Variants in PRTG observed in about 807,000 individuals in gnomAD.
The protein encoded by PRTG is protogenin, also known as immunoglobulin superfamily, DCC subclass, member 5.
In PRTG, 67 loss-of-function variants were observed where a neutral mutation model predicts 122.5. The ratio of observed to expected loss-of-function variants is 0.55; its 90% CI spans 0.45 to 0.67. PRTG has a LOEUF of 0.67. Among genes scored for constraint, PRTG ranks in the 30% least tolerant of loss-of-function variants. The pLI is 0.00. For missense variants in PRTG, 1,435 were observed against 1,415.4 expected (o/e 1.01, Z -0.22); for synonymous variants, 554 against 501.1 (o/e 1.11, Z -1.41).
Position 55,678,382 on chromosome 15 carries a change from C to G in PRTG, c.1134-338G>C, listed in dbSNP as rs147412268. 6.6e-5 allele frequency among the ~76,000 whole-genome samples: 10 copies of G among 152,158 alleles called. No individual in the cohort carries two copies. In the East Asian group the frequency reaches 1.7e-3, roughly 26 times the overall value. On this transcript the variant is annotated intron_variant, in intron 7 of 19. Coordinates refer to ENST00000389286, the MANE Select transcript of PRTG (RefSeq NM_173814.6). ...CTCTTGCCTCATCCTCCTGAGTAGCCGGGACTCCAGGCATGTGTAGTTTTT... is the reference window on the plus strand; with the variant it reads ...CTCTTGCCTCATCCTCCTGAGTAGCGGGGACTCCAGGCATGTGTAGTTTTT...
chr15:55,724,042 T>C (rs751001932), intron 2 of PRTG, among the ~76,000 whole-genome samples: 1 of 152,176 alleles, frequency 6.6e-6, no homozygotes, highest in Middle Eastern at 3.2e-3. Context: ...TGAGCCACCA[T>C]GCCTGGCTGA....
chr15:55,625,131 A>AT (rs994462788), intron 17 of PRTG, among the ~76,000 whole-genome samples: 50 of 151,836 alleles, frequency 3.3e-4, no homozygotes, highest in African/African-American at 9.4e-4. Flanking sequence ...TTTGACGTTG[A>AT]TTTTTTTTTA....
intron 18 of PRTG, among the ~76,000 whole-genome samples, chr15:55,621,274 C>G (rs138009442): frequency 0.033 from 5,014 of 152,238 alleles, 123 homozygotes; most frequent in Non-Finnish European, 0.054. Context: ...CTGCTTGAAC[C>G]CAGGAGGGAG....
At chr15:55,682,119 T>C (rs915812511) in intron 4 of PRTG, among the ~76,000 whole-genome samples, 1 of 152,180 alleles carries the variant, frequency 6.6e-6, no homozygotes, top group African/African-American at 2.4e-5. Context: ...TTGAATAGAA[T>C]ACCAAAGACT....
intron 2 of PRTG, among the ~76,000 whole-genome samples, chr15:55,732,832 G>C (rs1418829180): frequency 1.3e-5 from 2 of 152,142 alleles, no homozygotes; most frequent in Non-Finnish European, 2.9e-5. Flanking sequence ...TATTATGTGT[G>C]TGAAAAAGGG....
At chr15:55,683,088 A>C (rs144695356) in intron 3 of PRTG, among the ~76,000 whole-genome samples, 1 of 152,152 alleles carries the variant, frequency 6.6e-6, no homozygotes, top group Non-Finnish European at 1.5e-5. Flanking sequence ...GCATAGATTT[A>C]GTTAACTGGT....
chr15:55,700,344 G>A (rs2059655006), intron 2 of PRTG, among the ~76,000 whole-genome samples: 1 of 152,130 alleles, frequency 6.6e-6, no homozygotes, highest in African/African-American at 2.4e-5. Flanking sequence ...AGACCTAAAT[G>A]TGAAATGTAA....
At position 55,690,028 on chromosome 15, in the gene PRTG, T is replaced by C. The variant is rs148583042; in HGVS notation, c.398-6097A>G. Among the ~76,000 whole-genome samples the C allele has an allele frequency of 6.1e-3, 928 of 152,292 alleles. 13 individuals are homozygous for C. Among genetic ancestry groups the C allele is most frequent in the African/African-American group, 0.021 (877 of 41,548 alleles). The stretch of plus-strand genomic sequence containing the variant: ...TTAAACAACCAATCTTAAATAGTTA[T>C]ATGAAAACAATATCTCTGCTATTAA... On this transcript the variant is annotated intron_variant, in intron 2 of 19. Transcript: ENST00000389286.
At chr15:55,645,549 G>A (rs926457058) in intron 11 of PRTG, among the ~76,000 whole-genome samples, 1 of 150,758 alleles carries the variant, frequency 6.6e-6, no homozygotes, top group African/African-American at 2.4e-5. Context: ...AACAGCTACA[G>A]AATTAACAGA....
At chr15:55,715,441 C>G (rs2030563416) in intron 2 of PRTG, among the ~76,000 whole-genome samples, 2 of 152,078 alleles carry the variant, frequency 1.3e-5, no homozygotes, top group South Asian at 4.1e-4. Flanking sequence ...ATCAGGAATC[C>G]TTATGCCTAA....
At position 55,740,459 on chromosome 15, in the gene PRTG, T is replaced by G; in HGVS notation, c.320A>C (p.Asp107Ala). The G allele has an allele frequency of 1.2e-6, 2 of 1,614,220 alleles. No individual in the cohort carries two copies. The highest frequency in any genetic ancestry group is 8.5e-7 in the Non-Finnish European group (1 of 1,180,036). The change falls in exon 2 of 20, where the codon GAT becomes GCT. Residue 107 changes from aspartate (D) to alanine (A), a missense_variant. Coordinates refer to ENST00000389286, the MANE Select transcript of PRTG (RefSeq NM_173814.6). ...TGCCAAGCACTGATAAAATCCTTCA[T>G]CGGACTGCTCTCCTCGCCTGCCTTC... ...EVEGRRGEQS[D>A]EGFYQCLAMN...
intron 2 of PRTG, among the ~76,000 whole-genome samples, chr15:55,714,612 C>A: frequency 6.6e-6 from 1 of 152,078 alleles, no homozygotes. Context: ...ATTTCCCCTC[C>A]TTATGCATCA....
At chr15:55,679,525 T>C (rs1295443028) in intron 6 of PRTG, 80 bp from the exon 7 acceptor site, 4 of 1,072,820 alleles carry the variant, frequency 3.7e-6, no homozygotes. Flanking sequence ...AAACAGCAAA[T>C]GAAACAAGCC....
intron 2 of PRTG, among the ~76,000 whole-genome samples, chr15:55,702,730 G>C (rs1292927810): frequency 6.6e-6 from 1 of 152,146 alleles, no homozygotes; most frequent in African/African-American, 2.4e-5. Context: ...TATGGAAATG[G>C]TCAAAGAGCA....
In PRTG at chr15:55,638,260, AT is replaced by A. The variant is rs565570631; in HGVS notation, c.2452+288del. On this transcript the variant is annotated intron_variant, in intron 14 of 19. Coordinates refer to ENST00000389286, the MANE Select transcript of PRTG (RefSeq NM_173814.6). ...TATTATTCACTTACCGCCATTTAAA[AT>A]TTTTTGGCTGCAAATTTGAACAGCA... Among the ~76,000 whole-genome samples the A allele has an allele frequency of 3.3e-3, 504 of 152,282 alleles. 1 individual carries two copies. Among genetic ancestry groups the A allele is most frequent in the African/African-American group, 0.011 (468 of 41,546 alleles).
intron 2 of PRTG, among the ~76,000 whole-genome samples, chr15:55,720,328 G>A (rs2030766302): frequency 6.6e-6 from 1 of 152,060 alleles, no homozygotes; most frequent in Non-Finnish European, 1.5e-5. Flanking sequence ...CTGCACTCCA[G>A]CCTGGGCAAT....
chr15:55,678,077 A>G (rs1202074818), intron 7 of PRTG, 33 bp from the exon 8 acceptor site: 1 of 1,349,762 alleles, frequency 7.4e-7, no homozygotes, highest in Admixed American at 1.9e-5. Flanking sequence ...TTCCATGAAA[A>G]ATTCTAAGAA....
chr15:55,636,519 T>A (rs2059258573), intron 15 of PRTG, among the ~76,000 whole-genome samples: 1 of 152,062 alleles, frequency 6.6e-6, no homozygotes, highest in Non-Finnish European at 1.5e-5. Context: ...CGGCCAACCA[T>A]CCTATCCTTT....
At chr15:55,637,076 A>G in intron 15 of PRTG, 94 bp downstream of exon 15, 1 of 1,113,010 alleles carries the variant, frequency 9.0e-7, no homozygotes, top group East Asian at 2.6e-5. Context: ...ATAAAAATGT[A>G]AATTCAAAAT....
Sources: gnomAD v4.1 joint callset for allele counts (sites outside exome capture counted in the v4.1 genomes callset) on GRCh38, gnomAD v4.1.1 for gene constraint, MANE v1.5 for transcripts, NCBI Gene and HGNC (gene_info 2026-07-23, HGNC 2026-07-21) for gene names.